Variants in CERS4 observed in about 807,000 individuals in gnomAD.
CERS4 encodes the protein ceramide synthase 4.
Under a neutral mutation model 51.8 loss-of-function variants are expected in CERS4, and 65 were observed. The observed-to-expected ratio is 1.26, with a 90% confidence interval of 1.03 to 1.54. The LOEUF (loss-of-function observed/expected upper bound fraction) is 1.54, where lower values mean the gene tolerates loss of function less well. CERS4 is among the 40% of genes most tolerant of loss of function. The pLI is 0.00. For missense variants in CERS4, 563 were observed against 500.4 expected, an observed-to-expected ratio of 1.13 and a Z score of -1.19; for synonymous variants, 228 against 208.4, an observed-to-expected ratio of 1.09 and a Z score of -0.81.
chr19:8,260,560 AAT>A (rs1304476072), intron 10 of CERS4, among the ~76,000 whole-genome samples: 1 of 151,536 alleles, frequency 6.6e-6, no homozygotes, highest in Admixed American at 6.6e-5. Context: ...AGGGAAAAGA[AAT>A]AAGTTGGTGC....
In CERS4 at chr19:8,256,658, T is replaced by C. The variant is rs1969399248; in HGVS notation, c.560T>C (p.Leu187Pro). ...PSLYWWYLLELGFYLSLLIRL... is the reference protein window; with the variant it reads ...PSLYWWYLLEPGFYLSLLIRL... ...CTGTACTGGTGGTACCTCTTGGAGC[T>C]GGGTTTCTACCTCTCACTGCTAATC... Residue 187 changes from leucine to proline, a missense_variant, in exon 8 of 12, where the codon CTG becomes CCG. Physicochemically the swap from Leu to Pro is moderately conservative, Grantham distance 98. Coordinates refer to ENST00000251363, the MANE Select transcript of CERS4 (RefSeq NM_024552.3). The C allele has an allele frequency of 1.2e-6, 2 of 1,613,850 alleles. No individual in the cohort carries two copies. The highest frequency in any genetic ancestry group is 1.3e-5 in the African/African-American group (1 of 74,924).
chr19:8,243,798 G>A (rs1968642504), intron 2 of CERS4, among the ~76,000 whole-genome samples: 1 of 150,270 alleles, frequency 6.7e-6, no homozygotes, highest in African/African-American at 2.4e-5. Flanking sequence ...CCAAACCTGA[G>A]TAGCTCCTGC....
chr19:8,252,597 C>A (rs1969146542), intron 3 of CERS4, among the ~76,000 whole-genome samples: 1 of 152,052 alleles, frequency 6.6e-6, no homozygotes, highest in South Asian at 2.1e-4. Flanking sequence ...TGCCACCACA[C>A]CTGACTAATT....
intron 2 of CERS4, among the ~76,000 whole-genome samples, chr19:8,245,128 A>AAAACAAAAACAAAAC (rs1261418204): frequency 5.3e-5 from 1 of 18,876 alleles, no homozygotes; most frequent in Admixed American, 5.2e-4. Context: ...AAAAAAAAAA[A>AAAACAAAAACAAAAC]AAAAAAACAC....
At chr19:8,235,210 T>C (rs1423647917) in intron 2 of CERS4, among the ~76,000 whole-genome samples, 8 of 151,592 alleles carry the variant, frequency 5.3e-5, no homozygotes, top group Admixed American at 4.0e-4. Context: ...GGTTTCACCA[T>C]GTTGGCCAAG....
intron 2 of CERS4, among the ~76,000 whole-genome samples, chr19:8,234,273 T>C (rs913255904): frequency 6.6e-6 from 1 of 152,148 alleles, no homozygotes; most frequent in Non-Finnish European, 1.5e-5. Flanking sequence ...GCCACTGCAC[T>C]CCAGCCTGGG....
intron 2 of CERS4, among the ~76,000 whole-genome samples, chr19:8,223,338 G>A (rs1165468067): frequency 2.6e-5 from 4 of 151,736 alleles, no homozygotes; most frequent in Non-Finnish European, 1.5e-5. Flanking sequence ...TGGCCGGGCC[G>A]GGTGCAGTGG....
rs577311148 is a variant in CERS4, at chr19:8,260,548, A to C, written c.849-1140A>C. 3.7e-3 allele frequency among the ~76,000 whole-genome samples: 549 copies of C among 149,866 alleles called. 5 individuals are homozygous for C. Among genetic ancestry groups the C allele is most frequent in the Middle Eastern group, 7.0e-3 (2 of 286 alleles). On this transcript the variant is annotated intron_variant, in intron 10 of 11. Coordinates refer to ENST00000251363, the MANE Select transcript of CERS4 (RefSeq NM_024552.3). ...GAGTTCCAAGGAAAAAAAAAAGCCT[A>C]CAGGGAAAAGAAATAAGTTGGTGCC...
intron 9 of CERS4, 82 bp from the exon 10 acceptor site, chr19:8,257,797 C>T: frequency 9.5e-7 from 1 of 1,052,770 alleles, no homozygotes; most frequent in Non-Finnish European, 1.5e-6. Flanking sequence ...CACCCCAACT[C>T]ACCTGGTCCC....
At chr19:8,252,384 C>A (rs1169108910) in intron 3 of CERS4, among the ~76,000 whole-genome samples, 2 of 146,514 alleles carry the variant, frequency 1.4e-5, no homozygotes, top group South Asian at 4.4e-4. Context: ...AAAAAAAGAA[C>A]AAAAGCCTCA....
intron 2 of CERS4, among the ~76,000 whole-genome samples, chr19:8,223,846 C>A (rs1053802269): frequency 1.3e-5 from 2 of 152,068 alleles, no homozygotes; most frequent in African/African-American, 4.8e-5. Flanking sequence ...TGCCTGTAAT[C>A]CCAGCACTTT....
chr19:8,228,511 C>A (rs544234250), intron 2 of CERS4, among the ~76,000 whole-genome samples: 3 of 151,968 alleles, frequency 2.0e-5, no homozygotes, highest in Non-Finnish European at 4.4e-5. Context: ...CCCATCTCTA[C>A]TAAAAATATA....
Position 8,251,094 on chromosome 19 carries a change from C to A in CERS4, c.18C>A (p.Asn6Lys), listed in dbSNP as rs753296307. Residue 6 changes from asparagine to lysine, a missense_variant, in exon 3 of 12, where the codon AAC becomes AAA. By Grantham distance (94) the Asn-to-Lys change is moderately conservative. Coordinates refer to ENST00000251363, the MANE Select transcript of CERS4 (RefSeq NM_024552.3). ...TCCACAGAATGCTGTCCAGTTTCAA[C>A]GAGTGGTTTTGGCAGGACAGGTTCT... MLSSF[N>K]EWFWQDRFWL... is the part of the protein sequence containing the mutation. The A allele has an allele frequency of 5.6e-6, 9 of 1,604,036 alleles. No individual in the cohort carries two copies. Among genetic ancestry groups the A allele is most frequent in the African/African-American group, 5.4e-5 (4 of 74,536 alleles).
At chr19:8,247,199 T>C (rs1402797256) in intron 2 of CERS4, among the ~76,000 whole-genome samples, 4 of 152,228 alleles carry the variant, frequency 2.6e-5, no homozygotes, top group East Asian at 3.9e-4. Flanking sequence ...GATTCTTCCC[T>C]GCGGCCCCCA....
intron 11 of CERS4, 41 bp downstream of exon 11, chr19:8,261,885 T>C (rs1438324075): frequency 6.2e-7 from 1 of 1,613,084 alleles, no homozygotes; most frequent in Non-Finnish European, 8.5e-7. Context: ...CCTAAGCTCC[T>C]CCTTCCTCCC....
rs533611217 is a variant in CERS4 at position 8,256,891 on chromosome 19, G to A, written c.613-58G>A. The stretch of plus-strand genomic sequence containing the variant: ...AAAGGACCCACTTCTTGGCCCATAG[G>A]GTGGGGGACCTTCCAGCATCAAGCC... On this transcript the variant is annotated intron_variant, in intron 8 of 11. Transcript: ENST00000251363. 6.8e-5 allele frequency: 109 copies of A among 1,612,544 alleles called. No individual in the cohort carries two copies. The South Asian group carries it at 9.4e-4, about 14-fold the overall frequency.
chr19:8,245,122 A>AAAAACAAAAAAAAACAAAAC (rs1555777239), intron 2 of CERS4, among the ~76,000 whole-genome samples: 1 of 129,258 alleles, frequency 7.7e-6, no homozygotes, highest in Non-Finnish European at 1.6e-5. Flanking sequence ...AAAAAAAAAA[A>AAAAACAAAAAAAAACAAAAC]AAAAAAAAAA....
intron 2 of CERS4, among the ~76,000 whole-genome samples, chr19:8,215,950 C>T (rs1296726334): frequency 6.6e-6 from 1 of 152,184 alleles, no homozygotes; most frequent in Non-Finnish European, 1.5e-5. Flanking sequence ...CTCTCTGTGC[C>T]TCGAGTCCAG....
intron 2 of CERS4, among the ~76,000 whole-genome samples, chr19:8,211,563 A>G (rs1349366667): frequency 6.6e-6 from 1 of 152,204 alleles, no homozygotes; most frequent in Non-Finnish European, 1.5e-5. Context: ...CTATTAAAAT[A>G]TCACGAGAAT....
Sources: gnomAD v4.1 joint callset for allele counts (sites outside exome capture counted in the v4.1 genomes callset) on GRCh38, gnomAD v4.1.1 for gene constraint, MANE v1.5 for transcripts, NCBI Gene and HGNC (gene_info 2026-07-23, HGNC 2026-07-21) for gene names.